Variants in RAP1GAP2 observed in about 807,000 individuals in gnomAD.
RAP1GAP2 encodes the protein RAP1 GTPase activating protein 2.
RAP1GAP2 carries 27 observed loss-of-function variants against 95.0 expected under a neutral mutation model. The observed-to-expected ratio is 0.28, with a 90% CI of 0.21 to 0.39. The LOEUF is 0.39. Among genes scored for constraint, RAP1GAP2 ranks in the 10% least tolerant of loss-of-function variants. The pLI is 1.00. For missense variants in RAP1GAP2, 771 were observed against 970.0 expected, an observed-to-expected ratio of 0.79 and a Z score of 2.72; for synonymous variants, 373 against 380.9, an observed-to-expected ratio of 0.98 and a Z score of 0.24.
chr17:2,849,427 C>T (rs903493013), intron 2 of RAP1GAP2, among the ~76,000 whole-genome samples: 3 of 152,324 alleles, frequency 2.0e-5, no homozygotes, highest in Middle Eastern at 3.4e-3. Context: ...GGCTGATTCC[C>T]GCTTTCTCAT....
Position 2,825,241 on chromosome 17 carries a change from C to T in RAP1GAP2, c.80+24691C>T, listed in dbSNP as rs1388306680. On this transcript the variant is annotated intron_variant, in intron 2 of 24. Coordinates refer to ENST00000254695, the MANE Select transcript of RAP1GAP2 (RefSeq NM_015085.5). The surrounding 1 kb of genome is among the most constrained non-coding windows in gnomAD (Gnocchi z 4.1). ...GAGCCACCACACCTAGTCCCATCTT[C>T]CCTTTCAAACACAGGCCTAGCAGCA... Among the ~76,000 whole-genome samples, 1 of 152,124 alleles carries T rather than the reference C, an allele frequency of 6.6e-6. No individual in the cohort carries two copies. Among genetic ancestry groups the T allele is most frequent in the East Asian group, 1.9e-4 (1 of 5,204 alleles).
chr17:2,870,989 C>G lies in RAP1GAP2; in HGVS notation c.81-34295C>G, dbSNP rs1021430825. Among the ~76,000 whole-genome samples, 1 of 152,162 alleles carries G rather than the reference C, an allele frequency of 6.6e-6. No individual in the cohort carries two copies. The highest frequency in any genetic ancestry group is 2.4e-5 in the African/African-American group (1 of 41,438). ...TATTCTTTTGAGACAGAGTTTCACTCTTGTCACCCAGGCTGGAGTGCAGTG... is the reference window on the plus strand; with the variant it reads ...TATTCTTTTGAGACAGAGTTTCACTGTTGTCACCCAGGCTGGAGTGCAGTG... On this transcript the variant is annotated intron_variant, in intron 2 of 24. Transcript: ENST00000254695. This position sits in a 1 kb window ranked among gnomAD's most constrained non-coding sequence, Gnocchi z 4.4.
chr17:2,988,319 G>A (rs919223812), intron 11 of RAP1GAP2, among the ~76,000 whole-genome samples: 3 of 151,950 alleles, frequency 2.0e-5, no homozygotes, highest in Admixed American at 6.6e-5. Flanking sequence ...TACTTTCCCC[G>A]CAAAGTAATG....
intron 2 of RAP1GAP2, among the ~76,000 whole-genome samples, chr17:2,885,028 C>CTTTTTTTTTTTTTTTTTTTT (rs891984333): frequency 1.8e-5 from 2 of 112,506 alleles, no homozygotes; most frequent in African/African-American, 3.6e-5. Context: ...TTATTTCTTT[C>CTTTTTTTTTTTTTTTTTTTT]TTTTTTTTTT....
At chr17:2,850,619 G>A (rs1434385460) in intron 2 of RAP1GAP2, among the ~76,000 whole-genome samples, 4 of 150,242 alleles carry the variant, frequency 2.7e-5, no homozygotes, top group Non-Finnish European at 3.0e-5. Flanking sequence ...GCATGGTGGC[G>A]GGCGCCTGTA....
chr17:2,872,548 C>A (rs1460241432), intron 2 of RAP1GAP2, among the ~76,000 whole-genome samples: 6 of 152,154 alleles, frequency 3.9e-5, no homozygotes, highest in African/African-American at 9.7e-5. Flanking sequence ...AAAGTTCCAG[C>A]AGGGACAGCC....
chr17:2,962,767 C>A, intron 5 of RAP1GAP2, 53 bp downstream of exon 5: 2 of 1,495,616 alleles, frequency 1.3e-6, no homozygotes, highest in African/African-American at 1.4e-5. Flanking sequence ...GGGGCTAGGG[C>A]GAGAGGAAGG....
chr17:2,790,514 G>A (rs1597312779), intron 1 of RAP1GAP2, among the ~76,000 whole-genome samples: 1 of 152,224 alleles, frequency 6.6e-6, no homozygotes, highest in African/African-American at 2.4e-5. Context: ...TCTCAAAAGA[G>A]TAGGTCACCT....
intron 14 of RAP1GAP2, among the ~76,000 whole-genome samples, chr17:3,001,968 C>T (rs1597842571): frequency 7.2e-6 from 1 of 138,662 alleles, no homozygotes; most frequent in African/African-American, 2.7e-5. Context: ...TCTTCTTCTC[C>T]TTTTTTTTTT....
chr17:2,877,515 A>C (rs1160260700), intron 2 of RAP1GAP2, among the ~76,000 whole-genome samples: 6 of 152,108 alleles, frequency 3.9e-5, no homozygotes, highest in Non-Finnish European at 5.9e-5. Context: ...TGGGAGGCCA[A>C]AGCGCGTGGA....
chr17:2,776,772 G>A (rs897938150), upstream of RAP1GAP2, among the ~76,000 whole-genome samples: 1 of 150,558 alleles, frequency 6.6e-6, no homozygotes, highest in Admixed American at 6.6e-5. Flanking sequence ...GCTGGGGCCG[G>A]CCGGGGTGCG....
chr17:2,928,816 G>A (rs978216204), intron 3 of RAP1GAP2, among the ~76,000 whole-genome samples: 3 of 152,154 alleles, frequency 2.0e-5, no homozygotes, highest in Non-Finnish European at 4.4e-5. Flanking sequence ...GGGATGGGGA[G>A]TCGGAGGGGT....
intron 13 of RAP1GAP2, 98 bp downstream of exon 13, chr17:2,995,564 C>A: frequency 2.0e-6 from 3 of 1,497,364 alleles, no homozygotes; most frequent in South Asian, 2.4e-5. Flanking sequence ...TCCCCATATT[C>A]GTTCCCGTAG....
chr17:2,823,016 G>T (rs552240375), intron 2 of RAP1GAP2, among the ~76,000 whole-genome samples: 2 of 152,152 alleles, frequency 1.3e-5, no homozygotes, highest in Admixed American at 1.3e-4. Context: ...AGGGAGTGCT[G>T]CTTCCTTGGG....
chr17:2,955,801 A>G (rs556896914), intron 3 of RAP1GAP2, among the ~76,000 whole-genome samples: 2 of 152,308 alleles, frequency 1.3e-5, no homozygotes, highest in Admixed American at 6.5e-5. Flanking sequence ...TATCGAAGTT[A>G]TCTAATTTAT....
intron 4 of RAP1GAP2, among the ~76,000 whole-genome samples, chr17:2,961,045 A>G (rs113173976): frequency 0.077 from 11,323 of 146,532 alleles, 1,436 homozygotes; most frequent in African/African-American, 0.26. Flanking sequence ...GTGAAACCCC[A>G]TCTCTACTAA....
At chr17:3,014,754 A>G (rs1387592953) in intron 17 of RAP1GAP2, among the ~76,000 whole-genome samples, 1 of 152,080 alleles carries the variant, frequency 6.6e-6, no homozygotes, top group African/African-American at 2.4e-5. Context: ...ATGGGGTTTC[A>G]CCATGTTGGC....
At chr17:3,032,671 C>T (rs1007526655) in intron 24 of RAP1GAP2, among the ~76,000 whole-genome samples, 2 of 152,176 alleles carry the variant, frequency 1.3e-5, no homozygotes, top group African/African-American at 4.8e-5. Flanking sequence ...CTGGACTAGA[C>T]GTACTAGTTA....
At chr17:2,810,828 C>CGG (rs1305506278) in intron 2 of RAP1GAP2, among the ~76,000 whole-genome samples, 4 of 152,078 alleles carry the variant, frequency 2.6e-5, no homozygotes, top group African/African-American at 9.7e-5. Flanking sequence ...CGCGCCTGGC[C>CGG]AACAAAAGTC....
Sources: gnomAD v4.1 joint callset for allele counts (sites outside exome capture counted in the v4.1 genomes callset) on GRCh38, gnomAD v4.1.1 for gene constraint, Gnocchi (gnomAD v3.1) non-coding constraint, MANE v1.5 for transcripts, NCBI Gene and HGNC (gene_info 2026-07-23, HGNC 2026-07-21) for gene names.